MIPEP: variants seen among roughly 807,000 people sequenced by gnomAD.
MIPEP encodes mitochondrial intermediate peptidase.
MIPEP carries 79 observed loss-of-function variants against 90.3 expected under a neutral mutation model. That is an observed-to-expected ratio of 0.87 (90% CI 0.73 to 1.05). The LOEUF (loss-of-function observed/expected upper bound fraction) is 1.05, where lower values mean the gene tolerates loss of function less well. Ranked by LOEUF, MIPEP falls within the 50% of genes least tolerant of loss-of-function variation. MIPEP has a pLI of 0.00. For synonymous variants in MIPEP, 334 were observed against 315.8 expected (o/e 1.06, Z -0.61); for missense variants, 940 against 905.6 (o/e 1.04, Z -0.49).
In MIPEP at chr13:23,869,374, G is replaced by T; in HGVS notation, c.861C>A (p.Ser287Arg). The change falls in exon 7 of 19, where the codon AGC (serine) becomes AGA (arginine). Residue 287 changes from serine to arginine, a missense_variant. By Grantham distance (110) the Ser-to-Arg change is moderately radical (BLOSUM62 -1). Transcript: ENST00000382172. ...CCAACTTTGCCAGAAGATCTCTGCT[G>T]CTGAGCAATTCTTCTAAACATTTCA... ...GQLKCLEELL[S>R]SRDLLAKLVG... 6.2e-7 allele frequency: 1 copy of T among 1,613,680 alleles called. No homozygotes were observed. The highest frequency in any genetic ancestry group is 8.5e-7 in the Non-Finnish European group (1 of 1,179,910).
At chr13:23,744,462 A>G (rs987255548) in intron 18 of MIPEP, among the ~76,000 whole-genome samples, 1 of 152,252 alleles carries the variant, frequency 6.6e-6, no homozygotes, top group African/African-American at 2.4e-5. Context: ...AGAAATTACC[A>G]GCCCACACAG....
intron 16 of MIPEP, among the ~76,000 whole-genome samples, chr13:23,780,921 A>G (rs1952775385): frequency 6.6e-6 from 1 of 152,214 alleles, no homozygotes; most frequent in Non-Finnish European, 1.5e-5. Flanking sequence ...GTAAAAAGAA[A>G]TGAACAAAGC....
intron 12 of MIPEP, 40 bp downstream of exon 12, chr13:23,839,609 G>T (rs1267896287): frequency 3.0e-6 from 4 of 1,331,262 alleles, no homozygotes; most frequent in Middle Eastern, 1.9e-4. Flanking sequence ...ATGAAATGCC[G>T]ATCGGTTCTA....
intron 16 of MIPEP, among the ~76,000 whole-genome samples, chr13:23,778,427 G>C (rs931764261): frequency 2.0e-5 from 3 of 152,056 alleles, no homozygotes; most frequent in African/African-American, 7.2e-5. Flanking sequence ...AAGGCTGTTG[G>C]GGGCACGAAT....
At chr13:23,870,644 A>G (rs1870759429) in intron 5 of MIPEP, among the ~76,000 whole-genome samples, 1 of 152,040 alleles carries the variant, frequency 6.6e-6, no homozygotes, top group African/African-American at 2.4e-5. Context: ...ATCTCTACTA[A>G]AAATACAAAA....
chr13:23,790,451 C>T (rs1173044269), intron 16 of MIPEP, among the ~76,000 whole-genome samples: 3 of 152,180 alleles, frequency 2.0e-5, no homozygotes, highest in Non-Finnish European at 4.4e-5. Context: ...TGAATGTCAC[C>T]TTATTTGGGA....
chr13:23,809,928 G>C lies in MIPEP; in HGVS notation c.1654-4C>G. The stretch of plus-strand genomic sequence containing the variant: ...ACACCATATTTTTTGGCAGTGGCTT[G>C]ATAAAACAAAAGAATATATATGTGA... On this transcript the variant is annotated splice_polypyrimidine_tract_variant and splice_region_variant and intron_variant, in intron 14 of 18. Transcript: ENST00000382172. 6.2e-7 allele frequency: 1 copy of C among 1,607,440 alleles called. No individual in the cohort carries two copies. The highest frequency in any genetic ancestry group is 8.5e-7 in the Non-Finnish European group (1 of 1,174,336).
chr13:23,860,627 A>C (rs1870251199), intron 9 of MIPEP, among the ~76,000 whole-genome samples: 1 of 151,976 alleles, frequency 6.6e-6, no homozygotes, highest in Non-Finnish European at 1.5e-5. Context: ...ACAGAGTGAC[A>C]AGATCAGATC....
intron 6 of MIPEP, 135 bp from the exon 7 acceptor site, chr13:23,869,583 G>A (rs1870693379): frequency 3.8e-6 from 3 of 788,820 alleles, no homozygotes; most frequent in Non-Finnish European, 5.6e-6. Flanking sequence ...TCTACACGAG[G>A]CCATAAAGCT....
chr13:23,802,892 AG>A (rs1654002471), intron 16 of MIPEP, among the ~76,000 whole-genome samples: 1 of 152,198 alleles, frequency 6.6e-6, no homozygotes, highest in Non-Finnish European at 1.5e-5. Flanking sequence ...GGCTAACATA[AG>A]CATTCTGAGC....
intron 5 of MIPEP, 53 bp downstream of exon 5, chr13:23,874,793 C>T (rs1870988020): frequency 7.0e-7 from 1 of 1,438,076 alleles, no homozygotes; most frequent in Non-Finnish European, 9.5e-7. Context: ...ATAATGGTAT[C>T]AACTAAATGT....
intron 16 of MIPEP, among the ~76,000 whole-genome samples, chr13:23,790,563 A>G (rs1474597327): frequency 7.2e-6 from 1 of 139,500 alleles, no homozygotes; most frequent in African/African-American, 2.6e-5. Flanking sequence ...AAGGGTCCTT[A>G]TAAAAGAAAA....
At chr13:23,876,560 A>G (rs1446505092) in intron 4 of MIPEP, among the ~76,000 whole-genome samples, 1 of 151,800 alleles carries the variant, frequency 6.6e-6, no homozygotes, top group Non-Finnish European at 1.5e-5. Context: ...AGTTTCACAA[A>G]CAGAATCTTT....
At chr13:23,886,746 A>G (rs1363568155) in intron 1 of MIPEP, among the ~76,000 whole-genome samples, 1 of 152,022 alleles carries the variant, frequency 6.6e-6, no homozygotes, top group Non-Finnish European at 1.5e-5. Flanking sequence ...AAAAACAACA[A>G]CAACAATGGT....
rs1031852191 is a variant in MIPEP at position 23,738,732 on chromosome 13, G to A, written c.2045-8287C>T. Among the ~76,000 whole-genome samples the A allele has an allele frequency of 7.2e-5, 11 of 152,204 alleles. 1 individual carries two copies. In the South Asian group the frequency reaches 1.2e-3, roughly 17 times the overall value. On this transcript the variant is annotated intron_variant, in intron 18 of 18. Transcript: ENST00000382172. ...GAAAGTGCCCCATGGGATTACAGGC[G>A]TGCGCCTCTGTGACTGGCTGAGACT...
chr13:23,857,442 C>T (rs1870094153), intron 10 of MIPEP, among the ~76,000 whole-genome samples: 1 of 152,140 alleles, frequency 6.6e-6, no homozygotes, highest in African/African-American at 2.4e-5. Flanking sequence ...TGGTGGTACA[C>T]ACCTGTAGTG....
In MIPEP at chr13:23,870,021, C is replaced by CT. The variant is rs1389840925; in HGVS notation, c.777dup (p.Asp260ArgfsTer2). 6.3e-7 allele frequency: 1 copy of CT among 1,590,694 alleles called. No individual in the cohort carries two copies. The highest frequency in any genetic ancestry group is 2.3e-5 in the East Asian group (1 of 43,860). On this transcript the variant is annotated frameshift_variant, in exon 6 of 19. Coordinates refer to ENST00000382172, the MANE Select transcript of MIPEP (RefSeq NM_005932.4). LOFTEE classifies it high-confidence loss of function. ...GAATGAAACATACATACCAAGTCAT[C>CT]TGGTGATTCTGCGTGGAGACCATCA...
At chr13:23,775,439 A>G (rs540617052) in intron 16 of MIPEP, among the ~76,000 whole-genome samples, 34 of 152,200 alleles carry the variant, frequency 2.2e-4, no homozygotes, top group African/African-American at 6.0e-4. Context: ...TTGATTCCTT[A>G]TCCGCAGTTA....
intron 16 of MIPEP, among the ~76,000 whole-genome samples, chr13:23,801,603 T>C (rs1288215048): frequency 6.6e-6 from 1 of 152,230 alleles, no homozygotes. Context: ...TATAATTCCC[T>C]CACTTTTCTT....
Sources: gnomAD v4.1 joint callset for allele counts (sites outside exome capture counted in the v4.1 genomes callset) on GRCh38, gnomAD v4.1.1 for gene constraint, MANE v1.5 for transcripts, NCBI Gene and HGNC (gene_info 2026-07-23, HGNC 2026-07-21) for gene names.